The following SANBR variants were observed in gnomAD, a reference collection of about 807,000 sequenced individuals.
SANBR encodes the protein SANT and BTB domain regulator of class switch recombination.
A neutral mutation model predicts 101.8 loss-of-function variants in SANBR; 77 were observed. That is an observed-to-expected ratio of 0.76 (90% confidence interval 0.63 to 0.91). The LOEUF (loss-of-function observed/expected upper bound fraction) is 0.91, where lower values mean the gene tolerates loss of function less well. Ranked by LOEUF, SANBR falls within the 40% of genes least tolerant of loss-of-function variation. The pLI is 0.00. For missense variants in SANBR, 875 were observed against 853.0 expected (o/e 1.03, Z -0.32); for synonymous variants, 279 against 274.7 (o/e 1.02, Z -0.15).
chr2:61,135,122 C>T (rs191211359), intron 21 of SANBR, among the ~76,000 whole-genome samples: 23 of 152,216 alleles, frequency 1.5e-4, no homozygotes, highest in African/African-American at 5.3e-4. Flanking sequence ...CTCGGGAAGG[C>T]GGAGGTTGCA....
chr2:61,086,837 A>G (rs546215475), intron 8 of SANBR, among the ~76,000 whole-genome samples: 2 of 152,334 alleles, frequency 1.3e-5, no homozygotes, highest in South Asian at 4.1e-4. Flanking sequence ...GGGATTATTC[A>G]AGAATTTAAT....
chr2:61,135,458 G>A (rs1299874022), intron 21 of SANBR, among the ~76,000 whole-genome samples: 1 of 152,238 alleles, frequency 6.6e-6, no homozygotes, highest in African/African-American at 2.4e-5. Flanking sequence ...ATGCCTCTCT[G>A]ACAGTGGCTC....
At chr2:61,116,314 A>G (rs1228900804) in intron 17 of SANBR, among the ~76,000 whole-genome samples, 2 of 152,172 alleles carry the variant, frequency 1.3e-5, no homozygotes, top group Admixed American at 1.3e-4. Flanking sequence ...ATATATAAAT[A>G]ACTTCCTTGT....
Position 61,088,263 on chromosome 2 carries a change from T to C in SANBR, c.977+18T>C, listed in dbSNP as rs1438640242. On this transcript the variant is annotated intron_variant, in intron 9 of 21. Transcript: ENST00000402291. ...TTGTATAGGTATGCTAACATGTTTT[T>C]TTCTTTGGTGTACTTTATAATGCAG... The C allele has an allele frequency of 6.3e-7, 1 of 1,589,594 alleles. No homozygotes were observed. The highest frequency in any genetic ancestry group is 8.6e-7 in the Non-Finnish European group (1 of 1,168,044).
chr2:61,128,205 G>A (rs1362041618), downstream of SANBR, among the ~76,000 whole-genome samples: 4 of 151,504 alleles, frequency 2.6e-5, no homozygotes, highest in Admixed American at 2.6e-4. Flanking sequence ...CCGGGAGGTG[G>A]AGGTTGCAGT....
intron 20 of SANBR, among the ~76,000 whole-genome samples, chr2:61,130,675 G>A (rs1018467462): frequency 9.9e-5 from 15 of 151,342 alleles, no homozygotes; most frequent in Non-Finnish European, 1.6e-4. Context: ...TCAGCTGGGC[G>A]TGGTGGCTCA....
At position 61,123,014 on chromosome 2, in the gene SANBR, C is replaced by A. The variant is rs1454595362; in HGVS notation, c.*852C>A. On this transcript the variant is annotated 3_prime_UTR_variant, in exon 22 of 22. Transcript: ENST00000402291. ...CAAATAACTCCTTAAAACAGTTATA[C>A]TTGCTAGTTCGGTCTAAAATTTTCC... 2.0e-6 allele frequency: 2 copies of A among 981,340 alleles called. No individual in the cohort carries two copies. Among genetic ancestry groups the A allele is most frequent in the Admixed American group, 6.2e-5 (1 of 16,238 alleles). 60.8% of individuals were successfully genotyped at this position (981,340 alleles called of 1,614,324 possible).
In SANBR at chr2:61,109,602, A is replaced by G. The variant is rs183693092; in HGVS notation, c.1744+306A>G. Among the ~76,000 whole-genome samples, 291 of 151,308 alleles carry G rather than the reference A, an allele frequency of 1.9e-3. 1 individual carries two copies. The highest frequency in any genetic ancestry group is 2.9e-3 in the Non-Finnish European group (195 of 67,900). Reference sequence around the variant, plus strand: ...CGTGTAGCTGAGATGATTTGGAGTGATACTCAAATGAACCATTAAATAACA... The same window carrying G: ...CGTGTAGCTGAGATGATTTGGAGTGGTACTCAAATGAACCATTAAATAACA... On this transcript the variant is annotated intron_variant, in intron 16 of 21. Coordinates refer to ENST00000402291, the MANE Select transcript of SANBR (RefSeq NM_001129993.3).
chr2:61,103,790 G>A, intron 12 of SANBR, 63 bp from the exon 13 acceptor site: 3 of 1,453,980 alleles, frequency 2.1e-6, no homozygotes, highest in Non-Finnish European at 2.8e-6. Flanking sequence ...AAGAAAAACA[G>A]TGATCTTTAA....
At chr2:61,081,806 G>A (rs1285716925) in intron 7 of SANBR, among the ~76,000 whole-genome samples, 4 of 151,778 alleles carry the variant, frequency 2.6e-5, no homozygotes, top group East Asian at 3.9e-4. Context: ...ATGCCACTAC[G>A]CCCAGCTAAT....
chr2:61,076,884 C>CT (rs1559079127), intron 5 of SANBR, 36 bp from the exon 6 acceptor site: 17 of 1,467,176 alleles, frequency 1.2e-5, no homozygotes, highest in Non-Finnish European at 1.5e-5. Context: ...TTCTAAAACT[C>CT]TAATAATTTC....
chr2:61,116,750 TA>T (rs999453397), intron 17 of SANBR, among the ~76,000 whole-genome samples: 5 of 151,358 alleles, frequency 3.3e-5, no homozygotes, highest in Admixed American at 6.6e-5. Flanking sequence ...GGGTTAATTC[TA>T]AAAAAAAATT....
At chr2:61,119,420 T>G (rs1684231157) in intron 20 of SANBR, among the ~76,000 whole-genome samples, 1 of 152,016 alleles carries the variant, frequency 6.6e-6, no homozygotes, top group Non-Finnish European at 1.5e-5. Context: ...AGACACTATT[T>G]AGACAATGAA....
chr2:61,082,709 C>G (rs998945132), intron 7 of SANBR, among the ~76,000 whole-genome samples: 4 of 152,048 alleles, frequency 2.6e-5, no homozygotes, highest in Non-Finnish European at 5.9e-5. Context: ...GGCCCAGCTA[C>G]TAGGGATGCT....
rs1043412994 is a variant in SANBR at position 61,094,030 on chromosome 2, T to A, written c.1212+1443T>A. 7 of 955,150 alleles carry A rather than the reference T, an allele frequency of 7.3e-6. No homozygotes were observed. In the African/African-American group the frequency reaches 1.2e-4, roughly 17 times the overall value. 59.2% of individuals were successfully genotyped at this position (955,150 alleles called of 1,614,324 possible). ...TTTCCTCTGTCACTTGCGTAATGAT[T>A]TTCAATAGAGGGAAGGAAGAACAGC... On this transcript the variant is annotated intron_variant, in intron 11 of 21. Coordinates refer to ENST00000402291, the MANE Select transcript of SANBR (RefSeq NM_001129993.3).
chr2:61,075,985 T>G (rs1183151856), intron 5 of SANBR, among the ~76,000 whole-genome samples: 2 of 148,794 alleles, frequency 1.3e-5, no homozygotes, highest in Non-Finnish European at 3.0e-5. Flanking sequence ...TTTATAAACT[T>G]TATTTATTTA....
intron 5 of SANBR, chr2:61,075,143 C>T (rs1344146930): frequency 6.6e-6 from 1 of 152,210 alleles, no homozygotes; most frequent in Non-Finnish European, 1.5e-5. Context: ...GTGAATTAAA[C>T]ACACAATTCA....
chr2:61,091,697 G>A (rs1682769934), intron 10 of SANBR, among the ~76,000 whole-genome samples: 1 of 151,978 alleles, frequency 6.6e-6, no homozygotes, highest in South Asian at 2.1e-4. Context: ...GGAGTTTGAA[G>A]TTGCAATAAG....
intron 20 of SANBR, among the ~76,000 whole-genome samples, chr2:61,118,762 A>T (rs1014269131): frequency 1.4e-4 from 22 of 151,796 alleles, no homozygotes; most frequent in Non-Finnish European, 1.0e-4. Context: ...GGGTTTCACC[A>T]TGTTGGCCAG....
Sources: gnomAD v4.1 joint callset for allele counts (sites outside exome capture counted in the v4.1 genomes callset) on GRCh38, gnomAD v4.1.1 for gene constraint, MANE v1.5 for transcripts, NCBI Gene and HGNC (gene_info 2026-07-23, HGNC 2026-07-21) for gene names.